DOCK3: variants seen among roughly 807,000 people sequenced by gnomAD.
DOCK3 encodes the protein dedicator of cytokinesis 3, also known as dedicator of cytokinesis protein 3.
A neutral mutation model predicts 265.6 loss-of-function variants in DOCK3; 60 were observed. The observed-to-expected ratio is 0.23, with a 90% CI of 0.18 to 0.28. The LOEUF (loss-of-function observed/expected upper bound fraction) is 0.28. Ranked by LOEUF, DOCK3 falls within the 10% of genes least tolerant of loss-of-function variation. The pLI is 1.00. For missense variants in DOCK3, 1,981 were observed against 2,594.3 expected (o/e 0.76, Z 5.14); for synonymous variants, 881 against 938.0 (o/e 0.94, Z 1.11).
At position 50,681,198 on chromosome 3, in the gene DOCK3, G is replaced by T. The variant is rs536813304; in HGVS notation, c.37+5898G>T. On this transcript the variant is annotated intron_variant, in intron 1 of 52. Transcript: ENST00000266037. ...TTAGAATATGATTTAGAAACATTAA[G>T]CTAAATTGTAAACATGGCACCTATT... 2.6e-5 allele frequency among the ~76,000 whole-genome samples: 4 copies of T among 152,300 alleles called. No individual in the cohort carries two copies. In the South Asian group the frequency reaches 8.3e-4, roughly 32 times the overall value.
intron 9 of DOCK3, among the ~76,000 whole-genome samples, chr3:51,115,858 A>G (rs913271903): frequency 1.3e-5 from 2 of 152,182 alleles, no homozygotes; most frequent in Non-Finnish European, 2.9e-5. Flanking sequence ...AGTTTTCTGC[A>G]TATGGCTAGC....
chr3:51,380,180 A>T lies in DOCK3; in HGVS notation c.5556A>T (p.Pro1852=), dbSNP rs782401751. 2 of 1,202,380 alleles carry T rather than the reference A, an allele frequency of 1.7e-6. No individual in the cohort carries two copies. The highest frequency in any genetic ancestry group is 3.5e-5 in the Admixed American group (2 of 57,788). The allele number at this position is 1,202,380 out of a possible 1,614,324, so 74.5% of individuals were successfully genotyped here. The part of the protein sequence containing the change: ...AFHHPLGDTP[P]ALPARTLRKS... ...ACCACCCTCTGGGTGATACCCCCCC[A>T]GCCCTCCCTGCCCGGACCCTGCGCA... Residue 1852 remains proline, a synonymous_variant, in exon 52 of 53, where the codon CCA becomes CCT. Coordinates refer to ENST00000266037, the MANE Select transcript of DOCK3 (RefSeq NM_004947.5).
At chr3:51,272,280 C>CTTT (rs11371307) in intron 24 of DOCK3, among the ~76,000 whole-genome samples, 8 of 144,074 alleles carry the variant, frequency 5.6e-5, no homozygotes, top group African/African-American at 7.6e-5. Context: ...TTAGGTTTGA[C>CTTT]TTTTTTTTTT....
chr3:51,031,615 G>A (rs1434789875), intron 5 of DOCK3, among the ~76,000 whole-genome samples: 1 of 152,076 alleles, frequency 6.6e-6, no homozygotes, highest in African/African-American at 2.4e-5. Flanking sequence ...ATTTTTGGAG[G>A]GACAAAAGCA....
chr3:51,238,223 A>G (rs1375349752), intron 21 of DOCK3, among the ~76,000 whole-genome samples: 3 of 120,372 alleles, frequency 2.5e-5, no homozygotes, highest in Non-Finnish European at 4.8e-5. Flanking sequence ...GCTCACTGCA[A>G]GCTCTGCTTC....
chr3:50,910,216 C>T (rs1427381757), intron 4 of DOCK3, among the ~76,000 whole-genome samples: 1 of 152,094 alleles, frequency 6.6e-6, no homozygotes, highest in Non-Finnish European at 1.5e-5. Context: ...GAAGCCTGCT[C>T]CTGTCATTTC....
intron 9 of DOCK3, among the ~76,000 whole-genome samples, chr3:51,101,415 C>T (rs62260377): frequency 0.16 from 24,408 of 152,196 alleles, 2,314 homozygotes; most frequent in South Asian, 0.33. Flanking sequence ...CCACCGCGCC[C>T]GGCCTCGGCT....
chr3:50,996,692 GAAGAA>G (rs532949067), intron 5 of DOCK3, among the ~76,000 whole-genome samples: 3 of 152,220 alleles, frequency 2.0e-5, no homozygotes, highest in African/African-American at 7.2e-5. Flanking sequence ...TGAAAAAAGA[GAAGAA>G]AAGAGGAAAT....
chr3:51,012,640 C>G (rs1300150490), intron 5 of DOCK3, among the ~76,000 whole-genome samples: 1 of 150,676 alleles, frequency 6.6e-6, no homozygotes. Flanking sequence ...ACCCGGTGGA[C>G]TGCACCCACT....
chr3:50,760,771 T>C (rs1247434056), intron 1 of DOCK3, among the ~76,000 whole-genome samples: 4 of 152,100 alleles, frequency 2.6e-5, no homozygotes, highest in Non-Finnish European at 4.4e-5. Flanking sequence ...TCTAATAGTT[T>C]AATGTGGATT....
intron 4 of DOCK3, among the ~76,000 whole-genome samples, chr3:50,908,006 A>G (rs1290926162): frequency 6.6e-6 from 1 of 152,054 alleles, no homozygotes; most frequent in Non-Finnish European, 1.5e-5. Flanking sequence ...GTTTATGGGC[A>G]TAGAGATGTT....
intron 32 of DOCK3, among the ~76,000 whole-genome samples, chr3:51,327,770 C>T (rs1168656360): frequency 2.0e-5 from 3 of 151,164 alleles, no homozygotes; most frequent in Non-Finnish European, 4.4e-5. Context: ...ACCTCCACCT[C>T]CTGGGTTCAA....
At chr3:51,101,114 T>TC (rs1553759573) in intron 9 of DOCK3, among the ~76,000 whole-genome samples, 1 of 3,202 alleles carries the variant, frequency 3.1e-4, no homozygotes, top group Non-Finnish European at 6.4e-4. Flanking sequence ...TTAGTCTTTC[T>TC]TTTTTTTTTT....
intron 2 of DOCK3, among the ~76,000 whole-genome samples, chr3:50,834,672 T>C (rs2045399608): frequency 6.6e-6 from 1 of 152,200 alleles, no homozygotes; most frequent in Non-Finnish European, 1.5e-5. Flanking sequence ...ATCAAAGTTT[T>C]TAGACACTTC....
At chr3:51,203,925 T>C (rs2088987882) in intron 12 of DOCK3, among the ~76,000 whole-genome samples, 1 of 152,226 alleles carries the variant, frequency 6.6e-6, no homozygotes, top group Non-Finnish European at 1.5e-5. Flanking sequence ...AAGGATTCCC[T>C]ATTTAATAAA....
At chr3:50,885,700 G>A (rs1436438280) in intron 3 of DOCK3, among the ~76,000 whole-genome samples, 2 of 152,142 alleles carry the variant, frequency 1.3e-5, no homozygotes, top group Non-Finnish European at 2.9e-5. Flanking sequence ...CACTGCCACT[G>A]TGTGGTGGGA....
intron 5 of DOCK3, among the ~76,000 whole-genome samples, chr3:51,013,151 C>T (rs558193382): frequency 2.6e-4 from 39 of 152,306 alleles, no homozygotes; most frequent in Admixed American, 4.6e-4. Flanking sequence ...CTACTTCTGT[C>T]ACCTTGTCAA....
chr3:51,006,756 A>G (rs2078691313), intron 5 of DOCK3, among the ~76,000 whole-genome samples: 1 of 151,992 alleles, frequency 6.6e-6, no homozygotes, highest in South Asian at 2.1e-4. Flanking sequence ...TATTTCTCCT[A>G]GTGCTCTCCC....
At chr3:51,086,142 A>ATAG (rs1487765045) in intron 7 of DOCK3, among the ~76,000 whole-genome samples, 1 of 152,256 alleles carries the variant, frequency 6.6e-6, no homozygotes, top group African/African-American at 2.4e-5. Flanking sequence ...ATTATAGATT[A>ATAG]ACTAAAAGTA....
Sources: allele counts gnomAD v4.1 joint callset (sites outside exome capture counted in the v4.1 genomes callset), GRCh38; gene constraint gnomAD v4.1.1; transcripts MANE v1.5; gene names NCBI Gene and HGNC (gene_info 2026-07-23, HGNC 2026-07-21).